The following DNAJB1 variants were observed in gnomAD, a reference collection of about 807,000 sequenced individuals.
DNAJB1 encodes the protein dnaJ homolog subfamily B member 1.
DNAJB1 carries 14 observed loss-of-function variants against 24.0 expected under a neutral mutation model. The observed-to-expected ratio is 0.58, with a 90% CI of 0.39 to 0.91. The LOEUF (loss-of-function observed/expected upper bound fraction) is 0.91, where lower values mean the gene tolerates loss of function less well. Among genes scored for constraint, DNAJB1 ranks in the 40% least tolerant of loss-of-function variants. The pLI, the probability that DNAJB1 is intolerant of heterozygous loss-of-function variation, is 0.00. For synonymous variants in DNAJB1, 262 were observed against 174.4 expected (o/e 1.50, Z -3.96); for missense variants, 517 against 458.1 (o/e 1.13, Z -1.17).
At chr19:14,550,598 G>C (rs1318982567), upstream of DNAJB1, among the ~76,000 whole-genome samples, 2 of 152,182 alleles carry the variant, frequency 1.3e-5, no homozygotes, top group Non-Finnish European at 2.9e-5. Flanking sequence ...TCCCCTGGGG[G>C]TCTGGGACCT....
At chr19:14,518,060 G>A (rs1184252095) in intron 1 of DNAJB1, 79 bp downstream of exon 1, 11 of 1,335,204 alleles carry the variant, frequency 8.2e-6, no homozygotes, top group Admixed American at 3.9e-5. Flanking sequence ...TTCCCGGGGG[G>A]CCGCCGAGAG....
rs1477481916 is a variant in DNAJB1, at chr19:14,516,341, T to C, written c.792+125A>G. 8.7e-6 allele frequency: 11 copies of C among 1,270,704 alleles called. No individual in the cohort carries two copies. The East Asian group carries it at 2.7e-4, about 31-fold the overall frequency. 78.7% of individuals were successfully genotyped at this position (1,270,704 alleles called of 1,614,324 possible). On this transcript the variant is annotated intron_variant, in intron 2 of 2. Coordinates refer to ENST00000254322, the MANE Select transcript of DNAJB1 (RefSeq NM_006145.3). ...TCCACAACAGCGCCCTGGTCAGTCC[T>C]GTTCACTGTTGTGCCCCAAGCCTGG...
At chr19:14,522,295 G>C (rs1221844808), upstream of DNAJB1, among the ~76,000 whole-genome samples, 1 of 151,890 alleles carries the variant, frequency 6.6e-6, no homozygotes, top group Non-Finnish European at 1.5e-5. Flanking sequence ...ATGTAAGCGG[G>C]CCTCATCCAA....
intron 1 of DNAJB1, among the ~76,000 whole-genome samples, chr19:14,558,723 C>A (rs1442146157): frequency 6.6e-6 from 1 of 152,180 alleles, no homozygotes; most frequent in Non-Finnish European, 1.5e-5. Flanking sequence ...AGCCCCCCTC[C>A]CACAGGTATC....
At chr19:14,522,577 C>T (rs998260817), upstream of DNAJB1, among the ~76,000 whole-genome samples, 1 of 151,760 alleles carries the variant, frequency 6.6e-6, no homozygotes, top group Admixed American at 6.6e-5. Context: ...AGTTTCCAGC[C>T]TGCTAGCCCA....
intron 1 of DNAJB1, among the ~76,000 whole-genome samples, chr19:14,543,918 A>G (rs2073214234): frequency 6.7e-6 from 1 of 150,168 alleles, no homozygotes; most frequent in Non-Finnish European, 1.5e-5. Context: ...TTGTATTTTT[A>G]GTAGAGACAG....
At chr19:14,517,422 C>A in intron 1 of DNAJB1, 1 of 192,018 alleles carries the variant, frequency 5.2e-6, no homozygotes, top group Non-Finnish European at 1.0e-5. Flanking sequence ...GCTAATGGTG[C>A]GTAGGAAGAG....
intron 1 of DNAJB1, among the ~76,000 whole-genome samples, chr19:14,549,484 C>T (rs147089892): frequency 2.0e-3 from 300 of 152,058 alleles, no homozygotes; most frequent in African/African-American, 6.7e-3. Context: ...CCCCCTAACC[C>T]GGCTAAGTTT....
At chr19:14,537,070 C>T (rs551095582) in intron 1 of DNAJB1, among the ~76,000 whole-genome samples, 20 of 133,898 alleles carry the variant, frequency 1.5e-4, no homozygotes, top group African/African-American at 5.4e-4. Flanking sequence ...CAGAGTTTAG[C>T]AGGAAAAGGC....
intron 1 of DNAJB1, among the ~76,000 whole-genome samples, chr19:14,535,446 G>T (rs1378588162): frequency 7.2e-6 from 1 of 139,256 alleles, no homozygotes; most frequent in Non-Finnish European, 1.5e-5. Context: ...GGCGGAGCTT[G>T]CAGTGAGCCG....
At chr19:14,542,347 G>GTTTTTTTTTTTTTTTTTTTT (rs71166754) in intron 1 of DNAJB1, among the ~76,000 whole-genome samples, 4 of 43,300 alleles carry the variant, frequency 9.2e-5, no homozygotes, top group South Asian at 9.3e-4. Flanking sequence ...ATGCCATAGT[G>GTTTTTTTTTTTTTTTTTTTT]TTTTTTTTTT....
upstream of DNAJB1, among the ~76,000 whole-genome samples, chr19:14,533,179 G>A (rs2072736301): frequency 6.6e-6 from 1 of 151,888 alleles, no homozygotes; most frequent in Non-Finnish European, 1.5e-5. Flanking sequence ...CCAGCACTTT[G>A]GGACACCAAG....
upstream of DNAJB1, among the ~76,000 whole-genome samples, chr19:14,554,064 G>A (rs2073633253): frequency 6.6e-6 from 1 of 152,200 alleles, no homozygotes; most frequent in Non-Finnish European, 1.5e-5. Flanking sequence ...CATCAGCTCT[G>A]CAAGGGGGCC....
chr19:14,519,925 C>T (rs1033540828), upstream of DNAJB1, among the ~76,000 whole-genome samples: 49 of 152,172 alleles, frequency 3.2e-4, no homozygotes, highest in African/African-American at 1.2e-3. Context: ...CTGGGAAGGG[C>T]CCAGGGAAGT....
intron 1 of DNAJB1, among the ~76,000 whole-genome samples, chr19:14,537,206 G>A (rs1404995551): frequency 1.6e-5 from 2 of 127,352 alleles, no homozygotes; most frequent in Admixed American, 8.2e-5. Flanking sequence ...GAGGAGGTGG[G>A]GCTCAGGAGG....
At position 14,548,735 on chromosome 19, in the gene DNAJB1, G is replaced by A. The variant is rs57355074; in HGVS notation, c.-214+1473C>T. On this transcript the variant is annotated intron_variant, in intron 1 of 3. Coordinates refer to the DNAJB1 transcript ENST00000676982. The stretch of plus-strand genomic sequence containing the variant: ...TGGGATTACAGGCACGCATCACCAC[G>A]TCTGGCTAATTTTTGTATTTTGGTA... Among the ~76,000 whole-genome samples the A allele has an allele frequency of 2.3e-3, 344 of 152,154 alleles. 1 individual carries two copies. Among genetic ancestry groups the A allele is most frequent in the African/African-American group, 4.6e-3 (190 of 41,556 alleles).
At chr19:14,518,918 C>T (rs2072330161), upstream of DNAJB1, among the ~76,000 whole-genome samples, 1 of 152,250 alleles carries the variant, frequency 6.6e-6, no homozygotes, top group Admixed American at 6.5e-5. Flanking sequence ...GGGCCCCCTT[C>T]TATCTACAAC....
chr19:14,544,425 A>G (rs925987627), intron 1 of DNAJB1, among the ~76,000 whole-genome samples: 2 of 151,978 alleles, frequency 1.3e-5, no homozygotes, highest in African/African-American at 4.8e-5. Context: ...GTTCAGCCGC[A>G]TAATTGATGC....
chr19:14,550,502 G>A (rs1342740538), upstream of DNAJB1, among the ~76,000 whole-genome samples: 20 of 152,056 alleles, frequency 1.3e-4, no homozygotes, highest in Admixed American at 6.6e-4. Flanking sequence ...GTCCGACAGC[G>A]CCTTCCTGCC....
Sources: allele counts gnomAD v4.1 joint callset (sites outside exome capture counted in the v4.1 genomes callset), GRCh38; gene constraint gnomAD v4.1.1; transcripts MANE v1.5; gene names NCBI Gene and HGNC (gene_info 2026-07-23, HGNC 2026-07-21).